The following ELAVL1 variants were observed in gnomAD, a reference collection of about 807,000 sequenced individuals.
ELAVL1 encodes the protein ELAV like RNA binding protein 1.
In ELAVL1, 1 loss-of-function variant was observed where a neutral mutation model predicts 28.4. The ratio of observed to expected loss-of-function variants is 0.04; its 90% CI spans 0.01 to 0.17. The LOEUF is 0.17. Among genes scored for constraint, ELAVL1 ranks in the 10% least tolerant of loss-of-function variants. ELAVL1 has a pLI of 1.00. For synonymous variants in ELAVL1, 174 were observed against 183.5 expected, an observed-to-expected ratio of 0.95 and a Z score of 0.42; for missense variants, 157 against 447.2, an observed-to-expected ratio of 0.35 and a Z score of 5.85.
chr19:7,991,495 G>A, intron 2 of ELAVL1, 149 bp downstream of exon 2: 1 of 787,434 alleles, frequency 1.3e-6, no homozygotes, highest in Non-Finnish European at 2.0e-6. Flanking sequence ...AATGGACAGA[G>A]TTTGAAATAA....
At chr19:7,968,805 G>A (rs17160098) in intron 4 of ELAVL1, among the ~76,000 whole-genome samples, 4,141 of 152,334 alleles carry the variant, frequency 0.027, 183 homozygotes, top group African/African-American at 0.093. Flanking sequence ...CACTAGGCCC[G>A]GGAGGGAAAC....
intron 5 of ELAVL1, among the ~76,000 whole-genome samples, chr19:7,966,607 T>C (rs1166423328): frequency 6.6e-6 from 1 of 152,208 alleles, no homozygotes; most frequent in Admixed American, 6.5e-5. Context: ...CTCCCACAGA[T>C]ATGAGACGTT....
Position 7,960,709 on chromosome 19 carries a change from G to C in ELAVL1, c.*2774C>G, listed in dbSNP as rs1215014036. On this transcript the variant is annotated 3_prime_UTR_variant, in exon 6 of 6. Coordinates refer to ENST00000407627, the MANE Select transcript of ELAVL1 (RefSeq NM_001419.3). ...TTGATAAATGAACATTATCTACTCT[G>C]AACGCTTTTTCATCGAAATTCCCAA... 5 of 152,570 alleles carry C rather than the reference G, an allele frequency of 3.3e-5. No individual in the cohort carries two copies. Among genetic ancestry groups the C allele is most frequent in the African/African-American group, 7.2e-5 (3 of 41,420 alleles). The allele number at this position is 152,570 out of a possible 1,614,324, so 9.5% of individuals were successfully genotyped here.
At chr19:7,975,387 GCTCTGATGC>G (rs1985253248) in intron 3 of ELAVL1, among the ~76,000 whole-genome samples, 1 of 152,218 alleles carries the variant, frequency 6.6e-6, no homozygotes, top group African/African-American at 2.4e-5. Context: ...GCTGGGGAAA[GCTCTGATGC>G]CTCCCAAGGA....
chr19:8,004,441 C>G (rs1393054938), intron 1 of ELAVL1, among the ~76,000 whole-genome samples: 4 of 152,090 alleles, frequency 2.6e-5, no homozygotes, highest in African/African-American at 9.7e-5. Flanking sequence ...CCCCGCAACC[C>G]GAGCCATCTG....
At position 7,963,296 on chromosome 19, in the gene ELAVL1, C is replaced by A; in HGVS notation, c.*187G>T. 1.5e-6 allele frequency: 1 copy of A among 658,822 alleles called. No homozygotes were observed. 40.8% of individuals were successfully genotyped at this position (658,822 alleles called of 1,614,324 possible). On this transcript the variant is annotated 3_prime_UTR_variant, in exon 6 of 6. Transcript: ENST00000407627. This position sits in a 1 kb window ranked among gnomAD's most constrained non-coding sequence, Gnocchi z 4.5. ...CTTACGAAACTTAAGATTGGTCTAA[C>A]ATTGTGGGATTTCAAACATTTGAAC...
chr19:7,983,316 A>G lies in ELAVL1; in HGVS notation c.173-2130T>C, dbSNP rs536609562. On this transcript the variant is annotated intron_variant, in intron 2 of 5. Transcript: ENST00000407627. Reference sequence around the variant, plus strand: ...TCGCAGCTTGGAGAACAAGCAACGGAGCAGTGCAGCCAGGTCAGGACTGCC... The same window carrying G: ...TCGCAGCTTGGAGAACAAGCAACGGGGCAGTGCAGCCAGGTCAGGACTGCC... Among the ~76,000 whole-genome samples the G allele has an allele frequency of 2.0e-5, 3 of 152,274 alleles. No homozygotes were observed. The East Asian group carries it at 5.8e-4, about 29-fold the overall frequency.
At chr19:7,972,626 T>C (rs999073888) in intron 4 of ELAVL1, among the ~76,000 whole-genome samples, 1 of 143,064 alleles carries the variant, frequency 7.0e-6, no homozygotes, top group Non-Finnish European at 1.6e-5. Flanking sequence ...CCTTTTTTTT[T>C]CTTTTTCTTT....
chr19:7,965,793 G>A (rs1392095048), intron 5 of ELAVL1, among the ~76,000 whole-genome samples: 4 of 151,942 alleles, frequency 2.6e-5, no homozygotes, highest in Admixed American at 1.3e-4. Context: ...CAACCCCACC[G>A]CCCATATAGC....
In ELAVL1 at chr19:7,963,394, T is replaced by A; in HGVS notation, c.*89A>T. The A allele has an allele frequency of 6.9e-7, 1 of 1,454,074 alleles. No homozygotes were observed. Among genetic ancestry groups the A allele is most frequent in the South Asian group, 1.4e-5 (1 of 71,664 alleles). 90.1% of individuals were successfully genotyped at this position (1,454,074 alleles called of 1,614,324 possible). Reference sequence around the variant, plus strand: ...GACAAAGACAAACACTTGTGAAAATTGGCGCAAAATGAGTTGTACACTAAC... The same window carrying A: ...GACAAAGACAAACACTTGTGAAAATAGGCGCAAAATGAGTTGTACACTAAC... On this transcript the variant is annotated 3_prime_UTR_variant, in exon 6 of 6. Coordinates refer to ENST00000407627, the MANE Select transcript of ELAVL1 (RefSeq NM_001419.3). The surrounding 1 kb of genome is among the most constrained non-coding windows in gnomAD (Gnocchi z 4.5).
At chr19:7,992,994 C>G (rs1985791565) in intron 1 of ELAVL1, among the ~76,000 whole-genome samples, 1 of 152,178 alleles carries the variant, frequency 6.6e-6, no homozygotes, top group Non-Finnish European at 1.5e-5. Flanking sequence ...ATTTTGAACT[C>G]CTGGCCTCAA....
intron 4 of ELAVL1, among the ~76,000 whole-genome samples, chr19:7,968,093 C>T (rs750410275): frequency 1.1e-4 from 16 of 152,198 alleles, no homozygotes; most frequent in Non-Finnish European, 2.1e-4. Flanking sequence ...TGGAAGAAAG[C>T]AACATTAGGA....
intron 4 of ELAVL1, 95 bp from the exon 5 acceptor site, chr19:7,967,885 G>C (rs1185787071): frequency 7.4e-7 from 1 of 1,352,586 alleles, no homozygotes; most frequent in Non-Finnish European, 1.0e-6. Context: ...CTGTGGGCCA[G>C]GCTAGAAGTC....
intron 4 of ELAVL1, among the ~76,000 whole-genome samples, chr19:7,968,374 G>A (rs1296897635): frequency 6.6e-6 from 1 of 152,196 alleles, no homozygotes; most frequent in South Asian, 2.1e-4. Context: ...GCCACCCCCT[G>A]CCAGCTCCAT....
At chr19:7,989,080 A>G (rs547070774) in intron 2 of ELAVL1, among the ~76,000 whole-genome samples, 2 of 152,320 alleles carry the variant, frequency 1.3e-5, no homozygotes, top group Admixed American at 6.5e-5. Flanking sequence ...GAGCTAGGCC[A>G]GGGATCAGAT....
At chr19:8,000,368 G>T (rs1251723918) in intron 1 of ELAVL1, among the ~76,000 whole-genome samples, 1 of 152,222 alleles carries the variant, frequency 6.6e-6, no homozygotes, top group Non-Finnish European at 1.5e-5. Flanking sequence ...AGAGAGATGT[G>T]TGTGTCTTTA....
intron 2 of ELAVL1, among the ~76,000 whole-genome samples, chr19:7,987,730 C>T (rs1413403093): frequency 2.0e-5 from 3 of 152,230 alleles, no homozygotes; most frequent in Non-Finnish European, 4.4e-5. Flanking sequence ...CACCGACTGG[C>T]TATGTCTAGG....
Position 7,958,953 on chromosome 19 carries a change from GTCT to G in ELAVL1, c.*4527_*4529del, listed in dbSNP as rs952275516. 3 of 153,410 alleles carry G rather than the reference GTCT, an allele frequency of 2.0e-5. No homozygotes were observed. The highest frequency in any genetic ancestry group is 4.4e-5 in the Non-Finnish European group (3 of 67,990). 9.5% of individuals were successfully genotyped at this position (153,410 alleles called of 1,614,324 possible). On this transcript the variant is annotated 3_prime_UTR_variant, in exon 6 of 6. Transcript: ENST00000407627. ...CACTTCACTAAAATTTTGAAAAATG[GTCT>G]TCTTTCAAAGCTTCTTTATTAATCT...
In ELAVL1 at chr19:7,960,279, G is replaced by A. The variant is rs1455458799; in HGVS notation, c.*3204C>T. Reference sequence around the variant, plus strand: ...GCTGGGTCTCCAGGACTAAGGCCAAGCGCAGACTCTCAGAGGTTAAGGCAG... The same window carrying A: ...GCTGGGTCTCCAGGACTAAGGCCAAACGCAGACTCTCAGAGGTTAAGGCAG... On this transcript the variant is annotated 3_prime_UTR_variant, in exon 6 of 6. Coordinates refer to ENST00000407627, the MANE Select transcript of ELAVL1 (RefSeq NM_001419.3). 1.3e-5 allele frequency: 2 copies of A among 152,206 alleles called. No individual in the cohort carries two copies. The highest frequency in any genetic ancestry group is 2.9e-5 in the Non-Finnish European group (2 of 68,054). 9.4% of individuals were successfully genotyped at this position (152,206 alleles called of 1,614,324 possible). A position where few individuals can be genotyped will look rare whatever the true frequency, so the allele number is the denominator to read the frequency against.
Sources: gnomAD v4.1 joint callset for allele counts (sites outside exome capture counted in the v4.1 genomes callset) on GRCh38, gnomAD v4.1.1 for gene constraint, Gnocchi (gnomAD v3.1) non-coding constraint, MANE v1.5 for transcripts, NCBI Gene and HGNC (gene_info 2026-07-23, HGNC 2026-07-21) for gene names.